Variants in SLC6A6 observed in about 807,000 individuals in gnomAD.
SLC6A6 encodes the protein sodium- and chloride-dependent taurine transporter.
SLC6A6 carries 16 observed loss-of-function variants against 68.8 expected under a neutral mutation model. The observed-to-expected ratio is 0.23, with a 90% CI of 0.16 to 0.35. SLC6A6 has a LOEUF of 0.35. SLC6A6 is among the 10% of genes least tolerant of loss of function. The pLI is 1.00. For synonymous variants in SLC6A6, 312 were observed against 315.4 expected, an observed-to-expected ratio of 0.99 and a Z score of 0.12; for missense variants, 474 against 802.8, an observed-to-expected ratio of 0.59 and a Z score of 4.95.
chr3:14,461,787 C>T (rs937506344), intron 6 of SLC6A6, among the ~76,000 whole-genome samples: 6 of 152,190 alleles, frequency 3.9e-5, no homozygotes, highest in African/African-American at 7.2e-5. Context: ...ACAGCCAGGG[C>T]GCTGAGGATC....
intron 2 of SLC6A6, among the ~76,000 whole-genome samples, chr3:14,443,287 C>T (rs1700034126): frequency 6.6e-6 from 1 of 152,128 alleles, no homozygotes; most frequent in African/African-American, 2.4e-5. Flanking sequence ...TTGTGAAAGA[C>T]GATGCTAGGG....
At chr3:14,408,957 C>CCA (rs1241088001) in intron 1 of SLC6A6, among the ~76,000 whole-genome samples, 1 of 152,146 alleles carries the variant, frequency 6.6e-6, no homozygotes, top group Non-Finnish European at 1.5e-5. Context: ...CAGGCACCCG[C>CCA]TACCACGCCC....
At chr3:14,421,193 C>T (rs1699478249) in intron 2 of SLC6A6, among the ~76,000 whole-genome samples, 1 of 152,130 alleles carries the variant, frequency 6.6e-6, no homozygotes. Flanking sequence ...GAGAAGCAGC[C>T]CCCAGTCTGC....
rs909735376 is a variant in SLC6A6 at position 14,477,775 on chromosome 3, A to T, written c.1347+433A>T. Among the ~76,000 whole-genome samples the T allele has an allele frequency of 6.6e-6, 1 of 152,130 alleles. No homozygotes were observed. Among genetic ancestry groups the T allele is most frequent in the African/African-American group, 2.4e-5 (1 of 41,436 alleles). Reference sequence around the variant, plus strand: ...TTGCAGGTCACCTGCCACAGGACCGAGTCCTGGTGGGTATGGGTTGATAGG... The same window carrying T: ...TTGCAGGTCACCTGCCACAGGACCGTGTCCTGGTGGGTATGGGTTGATAGG... On this transcript the variant is annotated intron_variant, in intron 11 of 14. Transcript: ENST00000622186. The surrounding 1 kb of genome is among the most constrained non-coding windows in gnomAD (Gnocchi z 4.2).
At position 14,485,167 on chromosome 3, in the gene SLC6A6, TGTGTGTGTGTATC is replaced by T. The variant is rs1292406309; in HGVS notation, c.*171_*183del. On this transcript the variant is annotated 3_prime_UTR_variant, in exon 15 of 15. Coordinates refer to ENST00000622186, the MANE Select transcript of SLC6A6 (RefSeq NM_003043.6). ...GTGGGTATGTGTGCGTGCGTGTGTG[TGTGTGTGTGTATC>T]GTGTGTGTGTGTTTTGTTTTGATTT... The T allele has an allele frequency of 1.1e-5, 6 of 544,598 alleles. No homozygotes were observed. The highest frequency in any genetic ancestry group is 1.6e-5 in the Non-Finnish European group (5 of 313,156). The allele number at this position is 544,598 out of a possible 1,614,324, so 33.7% of individuals were successfully genotyped here.
chr3:14,404,402 C>T (rs954405699), intron 1 of SLC6A6, among the ~76,000 whole-genome samples: 12 of 152,228 alleles, frequency 7.9e-5, no homozygotes, highest in Admixed American at 7.8e-4. Flanking sequence ...GGGCCTAGCA[C>T]GGCTAAGAAC....
At chr3:14,422,468 C>T (rs983978594) in intron 2 of SLC6A6, among the ~76,000 whole-genome samples, 2 of 152,114 alleles carry the variant, frequency 1.3e-5, no homozygotes, top group Admixed American at 6.5e-5. Flanking sequence ...ATTTAGGAGC[C>T]GATGCCCTGG....
intron 13 of SLC6A6, among the ~76,000 whole-genome samples, chr3:14,480,581 C>T (rs565879649): frequency 2.0e-4 from 31 of 152,350 alleles, no homozygotes; most frequent in Admixed American, 3.9e-4. Context: ...CAGGGCCAGA[C>T]GTGCAGTTGG....
At chr3:14,429,505 C>G (rs1699674853) in intron 2 of SLC6A6, among the ~76,000 whole-genome samples, 1 of 152,250 alleles carries the variant, frequency 6.6e-6, no homozygotes, top group African/African-American at 2.4e-5. Flanking sequence ...TGTGTGCACA[C>G]ACGCATCACA....
At chr3:14,437,098 T>A (rs775689937) in intron 2 of SLC6A6, among the ~76,000 whole-genome samples, 3 of 152,194 alleles carry the variant, frequency 2.0e-5, no homozygotes, top group Admixed American at 6.5e-5. Flanking sequence ...ATCTCTGTGC[T>A]TTATCAGCAC....
chr3:14,469,247 T>C (rs1476473077), intron 9 of SLC6A6, among the ~76,000 whole-genome samples: 7 of 151,896 alleles, frequency 4.6e-5, no homozygotes, highest in South Asian at 2.1e-4. Flanking sequence ...CCTAATTTCA[T>C]ACAACTTCCC....
At chr3:14,467,157 C>T (rs1054292508) in intron 7 of SLC6A6, among the ~76,000 whole-genome samples, 5 of 152,114 alleles carry the variant, frequency 3.3e-5, no homozygotes, top group African/African-American at 1.2e-4. Flanking sequence ...TGGAGAAAGC[C>T]CTGGGAGATT....
intron 1 of SLC6A6, among the ~76,000 whole-genome samples, chr3:14,414,579 G>A (rs1390142385): frequency 6.6e-6 from 1 of 151,804 alleles, no homozygotes. Flanking sequence ...TGGCTGGACT[G>A]CAGTGGTACG....
At chr3:14,452,015 G>T (rs1700262937) in intron 5 of SLC6A6, among the ~76,000 whole-genome samples, 1 of 152,142 alleles carries the variant, frequency 6.6e-6, no homozygotes, top group African/African-American at 2.4e-5. Flanking sequence ...TTGCTGGCAG[G>T]TGCTGCTGGC....
intron 2 of SLC6A6, among the ~76,000 whole-genome samples, chr3:14,433,231 G>C (rs1258226469): frequency 3.3e-5 from 5 of 152,128 alleles, no homozygotes; most frequent in Non-Finnish European, 7.4e-5. Flanking sequence ...AATTGCCCCA[G>C]GTAAGCGAGT....
intron 5 of SLC6A6, among the ~76,000 whole-genome samples, chr3:14,451,468 G>T (rs116343630): frequency 0.022 from 3,348 of 152,330 alleles, 139 homozygotes; most frequent in African/African-American, 0.074. Flanking sequence ...GGATGGTTTG[G>T]CTAGAGCATA....
intron 5 of SLC6A6, among the ~76,000 whole-genome samples, chr3:14,457,658 A>G (rs1056494406): frequency 6.6e-6 from 1 of 152,224 alleles, no homozygotes; most frequent in Admixed American, 6.5e-5. Flanking sequence ...ATCAGTGCCC[A>G]TTTCACAGAT....
At chr3:14,419,934 C>T (rs1243285240) in intron 2 of SLC6A6, among the ~76,000 whole-genome samples, 1 of 152,056 alleles carries the variant, frequency 6.6e-6, no homozygotes, top group African/African-American at 2.4e-5. Context: ...GGTGAGATCT[C>T]CCACGGGGTG....
At position 14,481,688 on chromosome 3, in the gene SLC6A6, G is replaced by T; in HGVS notation, c.1569G>T (p.Ser523=). The T allele has an allele frequency of 2.5e-6, 4 of 1,609,174 alleles. No individual in the cohort carries two copies. The highest frequency in any genetic ancestry group is 2.5e-6 in the Non-Finnish European group (3 of 1,176,734). ...PVLCVGCFIF[S]LVKYVPLTYN... ...CTCCGCAGGGATGTTTCATCTTCTC[G>T]CTCGTCAAGTACGTACCCCTGACCT... Residue 523 remains serine (S), a synonymous_variant, in exon 14 of 15, where the codon TCG becomes TCT. Transcript: ENST00000622186. This position sits in a 1 kb window ranked among gnomAD's most constrained non-coding sequence, Gnocchi z 4.7.
Sources: allele counts gnomAD v4.1 joint callset (sites outside exome capture counted in the v4.1 genomes callset), GRCh38; gene constraint gnomAD v4.1.1; non-coding constraint Gnocchi (gnomAD v3.1); transcripts MANE v1.5; gene names NCBI Gene and HGNC (gene_info 2026-07-23, HGNC 2026-07-21).